Variants in ACACB observed in about 807,000 individuals in gnomAD.
ACACB encodes acetyl-CoA carboxylase beta.
Under a neutral mutation model 278.8 loss-of-function variants are expected in ACACB, and 209 were observed. The observed-to-expected ratio is 0.75, with a 90% CI of 0.67 to 0.84. The LOEUF (loss-of-function observed/expected upper bound fraction) is 0.84, where lower values mean the gene tolerates loss of function less well. Among genes scored for constraint, ACACB ranks in the 40% least tolerant of loss-of-function variants. The pLI, the probability that ACACB is intolerant of heterozygous loss-of-function variation, is 0.00. For missense variants in ACACB, 2,850 were observed against 3,269.0 expected, an observed-to-expected ratio of 0.87 and a Z score of 3.13; for synonymous variants, 1,174 against 1,285.6, an observed-to-expected ratio of 0.91 and a Z score of 1.86.
At chr12:109,192,703 C>A (rs991836680) in intron 15 of ACACB, among the ~76,000 whole-genome samples, 1 of 151,996 alleles carries the variant, frequency 6.6e-6, no homozygotes, top group Non-Finnish European at 1.5e-5. Context: ...AGGCTATCAC[C>A]CAGGCTAGAG....
chr12:109,232,852 G>C (rs3742026), intron 29 of ACACB, 46 bp downstream of exon 29: 587,536 of 1,606,722 alleles, frequency 0.37, 109,431 homozygotes, highest in Admixed American at 0.48. Context: ...ATGGGGGCTG[G>C]GCAGACTTCC....
At chr12:109,252,007 G>A (rs1282368883) in intron 41 of ACACB, 39 bp from the exon 42 acceptor site, 20 of 1,509,500 alleles carry the variant, frequency 1.3e-5, no homozygotes, top group South Asian at 4.8e-5. Context: ...TGGGTCCCTC[G>A]CCACTCTCCA....
At chr12:109,222,361 G>T (rs1246363780) in intron 24 of ACACB, 146 bp from the exon 25 acceptor site, 2 of 672,688 alleles carry the variant, frequency 3.0e-6, no homozygotes, top group East Asian at 5.3e-5. Flanking sequence ...AGTGGTGAGG[G>T]TTTGCATAAC....
At chr12:109,265,595 C>G in intron 52 of ACACB, 70 bp downstream of exon 52, 1 of 1,562,382 alleles carries the variant, frequency 6.4e-7, no homozygotes, top group Admixed American at 1.8e-5. Flanking sequence ...CCCTAGCTAC[C>G]CGACTCCTAT....
upstream of ACACB, among the ~76,000 whole-genome samples, chr12:109,112,187 TATA>T (rs2042310750): frequency 6.8e-6 from 1 of 146,530 alleles, no homozygotes; most frequent in African/African-American, 2.6e-5. Flanking sequence ...TACATTTCTA[TATA>T]ATATATACAA....
rs370014234 is a variant in ACACB, at chr12:109,241,184, G to A, written c.4925G>A (p.Gly1642Asp). 19 of 1,614,186 alleles carry A rather than the reference G, an allele frequency of 1.2e-5. No individual in the cohort carries two copies. Among genetic ancestry groups the A allele is most frequent in the Non-Finnish European group, 1.4e-5 (16 of 1,180,046 alleles). ...ATCAACATCCGCCAGACCACCACCG[G>A]CAGTGCCGTTCCCATCCGCCTGTTC... is the stretch of plus-strand genomic sequence containing the variant. ...VKINIRQTTTGSAVPIRLFIT... is the reference protein window; with the variant it reads ...VKINIRQTTTDSAVPIRLFIT... The change falls in exon 36 of 53, where the codon GGC becomes GAC. Residue 1642 changes from glycine to aspartate, a missense_variant. By Grantham distance (94) the Gly-to-Asp change is moderately conservative. Around this residue, in one of 3 missense-constraint regions of ACACB, gnomAD observed 2,265 missense variants for 2,561.3 expected, o/e 0.88. Coordinates refer to ENST00000338432, the MANE Select transcript of ACACB (RefSeq NM_001093.4).
intron 2 of ACACB, among the ~76,000 whole-genome samples, chr12:109,143,387 C>T (rs2043165465): frequency 6.8e-6 from 1 of 147,788 alleles, no homozygotes. Flanking sequence ...CACTTAAGCC[C>T]AGGAGGCAGA....
chr12:109,170,665 G>A (rs1490084667), intron 4 of ACACB, among the ~76,000 whole-genome samples: 6 of 152,072 alleles, frequency 3.9e-5, no homozygotes, highest in African/African-American at 1.4e-4. Flanking sequence ...GAGAAAGGGA[G>A]TTGTTCATGA....
chr12:109,203,773 G>C (rs4766455), intron 19 of ACACB, among the ~76,000 whole-genome samples: 28,536 of 152,112 alleles, frequency 0.19, 2,978 homozygotes, highest in East Asian at 0.45. Context: ...TTGTCAAGCT[G>C]TGTCATTACC....
Position 109,216,813 on chromosome 12 carries a change from G to A in ACACB, c.3457G>A (p.Val1153Met), listed in dbSNP as rs994372838. ...TCCCCCAGCCCACTACGACAAGTGT[G>A]TGATAAACCTCAGGGAGCAGTTCAA... The part of the protein sequence containing the change: ...HFQQAHYDKC[V>M]INLREQFKPD... Residue 1153 changes from valine to methionine, a missense_variant, in exon 24 of 53, where the codon GTG becomes ATG. Val to Met is a conservative substitution (Grantham distance 21). Coordinates refer to ENST00000338432, the MANE Select transcript of ACACB (RefSeq NM_001093.4). 2 of 1,614,156 alleles carry A rather than the reference G, an allele frequency of 1.2e-6. No homozygotes were observed. The highest frequency in any genetic ancestry group is 2.2e-5 in the East Asian group (1 of 44,876).
Position 109,259,038 on chromosome 12 carries a change from G to A in ACACB, c.6426G>A (p.Lys2142=), listed in dbSNP as rs774018772. 6.2e-7 allele frequency: 1 copy of A among 1,614,124 alleles called. No homozygotes were observed. The highest frequency in any genetic ancestry group is 2.2e-5 in the East Asian group (1 of 44,876). The change falls in exon 47 of 53, where the codon AAG becomes AAA. Residue 2142 remains lysine (K), a synonymous_variant. Coordinates refer to ENST00000338432, the MANE Select transcript of ACACB (RefSeq NM_001093.4). ...DSAYKTAQAV[K]DFNREKLPLM... is the part of the protein sequence containing the mutation. ...CCTACAAAACCGCCCAGGCCGTCAA[G>A]GACTTCAACCGGGAGAAGTTGCCCC...
rs1418410802 is a variant in ACACB at position 109,253,120 on chromosome 12, G to T, written c.6007G>T (p.Val2003Phe). 3 of 1,608,990 alleles carry T rather than the reference G, an allele frequency of 1.9e-6. No individual in the cohort carries two copies. The highest frequency in any genetic ancestry group is 2.5e-6 in the Non-Finnish European group (3 of 1,177,072). ...CACCGTGCCAGATGACTTTGAGGGG[G>T]TTTATACCATCCTGGAGTGGCTGTC... ...HITVPDDFEG[V>F]YTILEWLSYM... Residue 2003 changes from valine to phenylalanine, a missense_variant, in exon 43 of 53, where the codon GTT becomes TTT. By Grantham distance (50) the Val-to-Phe change is conservative. Coordinates refer to ENST00000338432, the MANE Select transcript of ACACB (RefSeq NM_001093.4).
At chr12:109,232,891 G>C in intron 29 of ACACB, 85 bp downstream of exon 29, 1 of 1,531,570 alleles carries the variant, frequency 6.5e-7, no homozygotes, top group Non-Finnish European at 8.9e-7. Context: ...TCACTGGACA[G>C]ATGGGGTGGG....
intron 44 of ACACB, 95 bp from the exon 45 acceptor site, chr12:109,256,044 AG>A: frequency 5.6e-6 from 5 of 889,688 alleles, no homozygotes; most frequent in Non-Finnish European, 9.1e-6. Flanking sequence ...GGTTAAAGCC[AG>A]GCTGTCCTTA....
At chr12:109,246,055 A>G in intron 38 of ACACB, 124 bp from the exon 39 acceptor site, 1 of 1,176,750 alleles carries the variant, frequency 8.5e-7, no homozygotes, top group Non-Finnish European at 1.2e-6. Flanking sequence ...GCACCACTGC[A>G]CTCTGGCCTG....
Position 109,210,267 on chromosome 12 carries a change from G to GTAGATA in ACACB, c.3249+916_3249+917insGATATA. ...TATATATACACACATGTGTGTATAT[G>GTAGATA]TACATATACACACACATATCTGTGT... On this transcript the variant is annotated intron_variant, in intron 21 of 52. Transcript: ENST00000338432. Among the ~76,000 whole-genome samples, 64 of 44,756 alleles carry GTAGATA rather than the reference G, an allele frequency of 1.4e-3. 19 individuals carry two copies. Among genetic ancestry groups the GTAGATA allele is most frequent in the Non-Finnish European group, 1.4e-3 (35 of 24,776 alleles). 29.4% of individuals were successfully genotyped at this position (44,756 alleles called of 152,430 possible). A position where few individuals can be genotyped will look rare whatever the true frequency, so the allele number is the denominator to read the frequency against.
chr12:109,126,323 A>C (rs905488841), intron 1 of ACACB, among the ~76,000 whole-genome samples: 13 of 152,302 alleles, frequency 8.5e-5, no homozygotes, highest in African/African-American at 2.9e-4. Context: ...ACCTTCCTTC[A>C]AGGCAGGGGC....
At position 109,201,632 on chromosome 12, in the gene ACACB, A is replaced by G. The variant is rs2045334623; in HGVS notation, c.2844A>G (p.Pro948=). The part of the protein sequence containing the change: ...ERGRVKYIKR[P]GAVLEAGCVV... ...GCCGGGTGAAGTACATCAAGCGTCC[A>G]GGTGCCGTGCTGGAAGCAGGCTGCG... is the stretch of plus-strand genomic sequence containing the variant. The change falls in exon 19 of 53, where the codon CCA becomes CCG. Residue 948 remains proline (P), a synonymous_variant. Transcript: ENST00000338432. 3 of 1,614,204 alleles carry G rather than the reference A, an allele frequency of 1.9e-6. No homozygotes were observed. Among genetic ancestry groups the G allele is most frequent in the Non-Finnish European group, 1.7e-6 (2 of 1,180,038 alleles).
At chr12:109,179,600 C>A (rs1382900775) in intron 10 of ACACB, among the ~76,000 whole-genome samples, 6 of 152,316 alleles carry the variant, frequency 3.9e-5, no homozygotes, top group African/African-American at 9.6e-5. Flanking sequence ...GATCCTCCCA[C>A]CTCAGCCTCC....
Sources: gnomAD v4.1 joint callset for allele counts (sites outside exome capture counted in the v4.1 genomes callset) on GRCh38, gnomAD v4.1.1 for gene constraint, gnomAD v4.1.1 regional missense constraint, MANE v1.5 for transcripts, NCBI Gene and HGNC (gene_info 2026-07-23, HGNC 2026-07-21) for gene names.